Variants in PLCB1 observed in about 807,000 individuals in gnomAD.
PLCB1 encodes the protein 1-phosphatidylinositol 4,5-bisphosphate phosphodiesterase beta-1.
A neutral mutation model predicts 161.8 loss-of-function variants in PLCB1; 46 were observed. The observed-to-expected ratio is 0.28, with a 90% CI of 0.22 to 0.36. The LOEUF (loss-of-function observed/expected upper bound fraction) is 0.36, where lower values mean the gene tolerates loss of function less well. Among genes scored for constraint, PLCB1 ranks in the 10% least tolerant of loss-of-function variants. The pLI, the probability that PLCB1 is intolerant of heterozygous loss-of-function variation, is 1.00. For synonymous variants in PLCB1, 517 were observed against 503.7 expected (o/e 1.03, Z -0.35); for missense variants, 1,016 against 1,472.5 (o/e 0.69, Z 5.07).
rs1979399616 is a variant in PLCB1 at position 8,717,703 on chromosome 20, G to A, written c.1368G>A (p.Met456Ile). ...CTGGAGTTCCTCTTCCAAGCCCTAT[G>A]GATTTAATGTATAAAATTTTGGTGA... ...LESGVPLPSP[M>I]DLMYKILVKN... Residue 456 changes from methionine (M) to isoleucine (I), a missense_variant, in exon 14 of 32, where the codon ATG becomes ATA. By Grantham distance (10) the Met-to-Ile change is conservative (BLOSUM62 1). This residue lies in a region of PLCB1 where 56 missense variants were observed against 126.3 expected (regional missense o/e 0.44). Transcript: ENST00000338037. The A allele has an allele frequency of 6.2e-7, 1 of 1,612,506 alleles. No individual in the cohort carries two copies. Among genetic ancestry groups the A allele is most frequent in the Non-Finnish European group, 8.5e-7 (1 of 1,179,350 alleles).
rs549907734 is a variant in PLCB1 at position 8,841,836 on chromosome 20, C to T, written c.3424-39786C>T. Among the ~76,000 whole-genome samples, 4 of 152,352 alleles carry T rather than the reference C, an allele frequency of 2.6e-5. No individual in the cohort carries two copies. The South Asian group carries it at 8.3e-4, about 32-fold the overall frequency. ...GCGCATATCCTTGATGTGTGATTCACACCTGTGGTATCATCATGGGGTCAT... is the reference window on the plus strand; with the variant it reads ...GCGCATATCCTTGATGTGTGATTCATACCTGTGGTATCATCATGGGGTCAT... On this transcript the variant is annotated intron_variant, in intron 31 of 31. Transcript: ENST00000338037.
Position 8,350,330 on chromosome 20 carries a change from A to G in PLCB1, c.178-21052A>G, listed in dbSNP as rs113900479. ...ATCATTCAGCTTCCACTCATAAGAC[A>G]GAACATGTGGTGTTTGGTTTTCTGT... On this transcript the variant is annotated intron_variant, in intron 2 of 31. Transcript: ENST00000338037. Among the ~76,000 whole-genome samples, 766 of 152,290 alleles carry G rather than the reference A, an allele frequency of 5.0e-3. 9 individuals carry two copies. The highest frequency in any genetic ancestry group is 0.018 in the African/African-American group (728 of 41,550).
At chr20:8,664,560 T>A (rs1197927541) in intron 9 of PLCB1, among the ~76,000 whole-genome samples, 3 of 152,132 alleles carry the variant, frequency 2.0e-5, no homozygotes, top group African/African-American at 7.2e-5. Flanking sequence ...AGAAAGAGAC[T>A]GGACTTGGGA....
At chr20:8,791,816 TA>T (rs1184898515) in intron 31 of PLCB1, among the ~76,000 whole-genome samples, 1 of 152,192 alleles carries the variant, frequency 6.6e-6, no homozygotes, top group Non-Finnish European at 1.5e-5. Context: ...TCAACCTCAG[TA>T]AATGTGGAAG....
chr20:8,794,622 T>G (rs1451345209), intron 31 of PLCB1, among the ~76,000 whole-genome samples: 1 of 152,250 alleles, frequency 6.6e-6, no homozygotes, highest in Non-Finnish European at 1.5e-5. Flanking sequence ...TTCATCCACT[T>G]ATTCTAACTA....
chr20:8,566,457 T>A (rs1343297453), intron 3 of PLCB1, among the ~76,000 whole-genome samples: 1 of 152,164 alleles, frequency 6.6e-6, no homozygotes, highest in Non-Finnish European at 1.5e-5. Flanking sequence ...CTGTGGAATG[T>A]AAAAAACAAC....
At chr20:8,829,784 A>G (rs997751210) in intron 31 of PLCB1, among the ~76,000 whole-genome samples, 1 of 152,244 alleles carries the variant, frequency 6.6e-6, no homozygotes, top group African/African-American at 2.4e-5. Context: ...AAAACCAAAT[A>G]AAAAGTACTC....
Position 8,881,794 on chromosome 20 carries a change from C to A in PLCB1, c.3596C>A (p.Ser1199Tyr). The A allele has an allele frequency of 1.2e-6, 2 of 1,614,108 alleles. No homozygotes were observed. Among genetic ancestry groups the A allele is most frequent in the East Asian group, 4.5e-5 (2 of 44,880 alleles). ...GGAAAAGTGAACCACAAGACTCCCT[C>A]CAGTGAGGAGCTGGGAGGAGACATC... is the stretch of plus-strand genomic sequence containing the variant. ...DPGKVNHKTP[S>Y]SEELGGDIPG... The change falls in exon 32 of 32, where the codon TCC becomes TAC. Residue 1199 changes from serine to tyrosine, a missense_variant. By Grantham distance (144) the Ser-to-Tyr change is moderately radical. This residue lies in a region of PLCB1 where 398 missense variants were observed against 445.4 expected (regional missense o/e 0.89). Transcript: ENST00000338037.
At chr20:8,169,806 T>C (rs752642331) in intron 2 of PLCB1, among the ~76,000 whole-genome samples, 4 of 152,160 alleles carry the variant, frequency 2.6e-5, no homozygotes, top group Non-Finnish European at 5.9e-5. Flanking sequence ...TTCTGGCCTA[T>C]TGAATCTTAG....
chr20:8,637,997 G>A (rs1427239127), intron 4 of PLCB1, among the ~76,000 whole-genome samples: 11 of 152,266 alleles, frequency 7.2e-5, no homozygotes, highest in African/African-American at 2.6e-4. Flanking sequence ...GGGCTCACCC[G>A]CCATTCTCCT....
At chr20:8,298,886 G>T (rs1312301484) in intron 2 of PLCB1, among the ~76,000 whole-genome samples, 1 of 152,056 alleles carries the variant, frequency 6.6e-6, no homozygotes, top group Non-Finnish European at 1.5e-5. Flanking sequence ...TAATAGGAAA[G>T]GCTATGCACA....
At chr20:8,265,740 CAT>C (rs1981923222) in intron 2 of PLCB1, among the ~76,000 whole-genome samples, 1 of 152,156 alleles carries the variant, frequency 6.6e-6, no homozygotes. Context: ...TTAACAAAAT[CAT>C]AGTCTTTTTC....
chr20:8,335,303 G>C (rs6118167), intron 2 of PLCB1, among the ~76,000 whole-genome samples: 1 of 152,158 alleles, frequency 6.6e-6, no homozygotes. Context: ...TCAATATCTA[G>C]GCAGAGCTGT....
intron 23 of PLCB1, chr20:8,750,818 T>A: frequency 7.3e-7 from 1 of 1,362,960 alleles, no homozygotes; most frequent in Non-Finnish European, 9.8e-7. Context: ...GATTTCTGCA[T>A]GATGAAATTA....
chr20:8,132,774 C>A lies in PLCB1; in HGVS notation c.99+24C>A, dbSNP rs374708078. On this transcript the variant is annotated intron_variant, in intron 1 of 31. Transcript: ENST00000338037. The surrounding 1 kb of genome is among the most constrained non-coding windows in gnomAD (Gnocchi z 5.2). ...ATGTAAGTATTGGGGCGGCCCGAGT[C>A]GGGGCGCTGGCTCGGGCACCGGGCA... 6.5e-6 allele frequency: 10 copies of A among 1,540,660 alleles called. No individual in the cohort carries two copies. The highest frequency in any genetic ancestry group is 9.0e-6 in the Non-Finnish European group (10 of 1,116,382).
At chr20:8,624,336 A>G (rs1204712443) in intron 3 of PLCB1, among the ~76,000 whole-genome samples, 2 of 152,248 alleles carry the variant, frequency 1.3e-5, no homozygotes, top group Non-Finnish European at 2.9e-5. Context: ...CAATCCAATA[A>G]AGATACATTT....
chr20:8,211,036 C>T (rs1033646289), intron 2 of PLCB1, among the ~76,000 whole-genome samples: 7 of 152,054 alleles, frequency 4.6e-5, no homozygotes, highest in Non-Finnish European at 1.0e-4. Context: ...TTAGCTCTAC[C>T]ACTGCCTCAC....
chr20:8,144,610 C>T (rs1171181356), intron 1 of PLCB1, among the ~76,000 whole-genome samples: 2 of 152,216 alleles, frequency 1.3e-5, no homozygotes, highest in Admixed American at 1.3e-4. Context: ...TAATTCCTCA[C>T]CTGGCATCCA....
At chr20:8,724,577 T>C in intron 15 of PLCB1, 79 bp from the exon 16 acceptor site, 2 of 840,508 alleles carry the variant, frequency 2.4e-6, no homozygotes, top group Admixed American at 4.5e-5. Context: ...GCTTGAATCA[T>C]GTTGTCATTT....
Sources: allele counts gnomAD v4.1 joint callset (sites outside exome capture counted in the v4.1 genomes callset), GRCh38; gene constraint gnomAD v4.1.1; regional missense constraint gnomAD v4.1.1; non-coding constraint Gnocchi (gnomAD v3.1); transcripts MANE v1.5; gene names NCBI Gene and HGNC (gene_info 2026-07-23, HGNC 2026-07-21).